CFAP54: variants seen among roughly 807,000 people sequenced by gnomAD.
CFAP54 encodes the protein cilia and flagella associated protein 54.
In CFAP54, 290 loss-of-function variants were observed where a neutral mutation model predicts 370.4. The ratio of observed to expected loss-of-function variants is 0.78; its 90% CI spans 0.71 to 0.86. The LOEUF (loss-of-function observed/expected upper bound fraction) is 0.86, where lower values mean the gene tolerates loss of function less well. Ranked by LOEUF, CFAP54 falls within the 40% of genes least tolerant of loss-of-function variation. The probability of loss-of-function intolerance (pLI) is 0.00; values close to 1 mark genes in which losing one functional copy is unlikely to be tolerated. For missense variants in CFAP54, 3,399 were observed against 3,528.7 expected (o/e 0.96, Z 0.93); for synonymous variants, 1,206 against 1,236.5 (o/e 0.98, Z 0.52).
intron 60 of CFAP54, among the ~76,000 whole-genome samples, chr12:96,776,592 A>C (rs1233290358): frequency 6.6e-6 from 1 of 152,216 alleles, no homozygotes; most frequent in Non-Finnish European, 1.5e-5. Context: ...ATGTAGTTAG[A>C]AAATGGAGGA....
intron 42 of CFAP54, among the ~76,000 whole-genome samples, chr12:96,687,696 A>AT (rs1565942789): frequency 6.6e-6 from 1 of 152,064 alleles, no homozygotes; most frequent in African/African-American, 2.4e-5. Context: ...GTCAAGTTTG[A>AT]TTTTTTTGTG....
intron 26 of CFAP54, 94 bp from the exon 27 acceptor site, chr12:96,621,496 C>G: frequency 2.2e-6 from 2 of 907,336 alleles, no homozygotes. Context: ...ACTGAAAACT[C>G]TATGGGGCTT....
Position 96,521,956 on chromosome 12 carries a change from G to A in CFAP54, c.1042G>A (p.Glu348Lys), listed in dbSNP as rs1190255307. 13 of 1,533,890 alleles carry A rather than the reference G, an allele frequency of 8.5e-6. No homozygotes were observed. Among genetic ancestry groups the A allele is most frequent in the Non-Finnish European group, 1.1e-5 (13 of 1,145,180 alleles). ...GGAAGAATCGCGAAGATATTTTCGA[G>A]AGGCCACAATGAAGGTATAAAAATT... is the stretch of plus-strand genomic sequence containing the variant. ...SQEESRRYFR[E>K]ATMKMAVMIF... The change falls in exon 7 of 68, where the codon GAG becomes AAG. Residue 348 changes from glutamate to lysine, a missense_variant. Physicochemically the swap from Glu to Lys is moderately conservative, Grantham distance 56. Coordinates refer to ENST00000524981, the MANE Select transcript of CFAP54 (RefSeq NM_001306084.2).
In CFAP54 at chr12:96,870,618, C is replaced by T. The variant is rs138156828; in HGVS notation, c.*15-4500C>T. Reference sequence around the variant, plus strand: ...TATTACATTCTTATATTATTACATACATCTTCGGGGGAAGTTCGTTTCTGT... The same window carrying T: ...TATTACATTCTTATATTATTACATATATCTTCGGGGGAAGTTCGTTTCTGT... On this transcript the variant is annotated intron_variant, in intron 67 of 67. Coordinates refer to ENST00000524981, the MANE Select transcript of CFAP54 (RefSeq NM_001306084.2). Among the ~76,000 whole-genome samples the T allele has an allele frequency of 3.0e-4, 45 of 152,318 alleles. No individual in the cohort carries two copies. The East Asian group carries it at 8.7e-3, about 29-fold the overall frequency.
At chr12:96,860,703 C>A in intron 66 of CFAP54, 116 bp from the exon 67 acceptor site, 2 of 1,078,140 alleles carry the variant, frequency 1.9e-6, no homozygotes, top group Non-Finnish European at 2.6e-6. Flanking sequence ...ACCTGAGACA[C>A]ACAAGTTAGC....
rs780517227 is a variant in CFAP54 at position 96,581,148 on chromosome 12, T to C, written c.3075+43T>C. 6.9e-6 allele frequency: 9 copies of C among 1,310,524 alleles called. No homozygotes were observed. In the East Asian group the frequency reaches 1.4e-4, roughly 20 times the overall value. 81.2% of individuals were successfully genotyped at this position (1,310,524 alleles called of 1,614,324 possible). On this transcript the variant is annotated intron_variant, in intron 22 of 67. Transcript: ENST00000524981. ...TAATTTTTTCCACTGTGTTTTTTTT[T>C]CCATTAAGCAGTTATGAAGTAATTT...
At chr12:96,495,322 T>C (rs1043253108) in intron 1 of CFAP54, among the ~76,000 whole-genome samples, 2 of 148,320 alleles carry the variant, frequency 1.3e-5, no homozygotes, top group African/African-American at 5.0e-5. Flanking sequence ...CCTTTTTCTT[T>C]TTTGAGACAG....
intron 42 of CFAP54, among the ~76,000 whole-genome samples, chr12:96,685,891 G>T (rs1188863003): frequency 1.3e-5 from 2 of 152,148 alleles, no homozygotes; most frequent in Non-Finnish European, 2.9e-5. Context: ...ATGAGCAGTT[G>T]GTGAGGAAGC....
intron 50 of CFAP54, among the ~76,000 whole-genome samples, chr12:96,727,166 GA>G (rs1481867241): frequency 6.6e-6 from 1 of 151,880 alleles, no homozygotes; most frequent in Non-Finnish European, 1.5e-5. Context: ...ATTTGGGGTG[GA>G]GAGTTCTGTA....
Position 96,538,365 on chromosome 12 carries a change from T to G in CFAP54, c.1792-19T>G. 6.6e-7 allele frequency: 1 copy of G among 1,523,566 alleles called. No individual in the cohort carries two copies. The highest frequency in any genetic ancestry group is 8.8e-7 in the Non-Finnish European group (1 of 1,136,656). 94.4% of individuals were successfully genotyped at this position (1,523,566 alleles called of 1,614,324 possible). A position where few individuals can be genotyped will look rare whatever the true frequency, so the allele number is the denominator to read the frequency against. Reference sequence around the variant, plus strand: ...ATTTTATTATTCCTACTCATTTACCTTCTCACTTTTGTTTTTAGGATGTTC... The same window carrying G: ...ATTTTATTATTCCTACTCATTTACCGTCTCACTTTTGTTTTTAGGATGTTC... On this transcript the variant is annotated intron_variant, in intron 12 of 67. Coordinates refer to ENST00000524981, the MANE Select transcript of CFAP54 (RefSeq NM_001306084.2).
chr12:96,821,534 T>C (rs1436580580), intron 65 of CFAP54, among the ~76,000 whole-genome samples: 4 of 152,146 alleles, frequency 2.6e-5, no homozygotes, highest in African/African-American at 7.2e-5. Context: ...ATTTTAGATA[T>C]TTTCTGGCTC....
At chr12:96,788,674 T>TAAAAA (rs574627472) in intron 62 of CFAP54, among the ~76,000 whole-genome samples, 2 of 151,742 alleles carry the variant, frequency 1.3e-5, no homozygotes, top group Admixed American at 6.6e-5. Flanking sequence ...TTTTTTTTTT[T>TAAAAA]AAAAATCACT....
chr12:96,751,577 G>A (rs538230174), intron 55 of CFAP54, among the ~76,000 whole-genome samples: 3 of 151,958 alleles, frequency 2.0e-5, no homozygotes, highest in East Asian at 3.9e-4. Context: ...ATTGATATTT[G>A]GTATAATATG....
intron 60 of CFAP54, among the ~76,000 whole-genome samples, chr12:96,777,938 G>A (rs1469085617): frequency 3.3e-5 from 5 of 152,124 alleles, no homozygotes; most frequent in African/African-American, 4.8e-5. Context: ...ACAAATATAA[G>A]CAAAACTGCA....
At chr12:96,861,594 A>G (rs1592818462) in intron 67 of CFAP54, among the ~76,000 whole-genome samples, 1 of 152,324 alleles carries the variant, frequency 6.6e-6, no homozygotes, top group Non-Finnish European at 1.5e-5. Flanking sequence ...CAGCTTTAGA[A>G]TTGTATAGAC....
chr12:96,802,221 G>A (rs919185011), intron 63 of CFAP54, among the ~76,000 whole-genome samples: 2 of 152,030 alleles, frequency 1.3e-5, no homozygotes, highest in East Asian at 1.9e-4. Context: ...CGGTGAGATC[G>A]AGACTCAAGC....
intron 1 of CFAP54, 76 bp downstream of exon 1, chr12:96,490,002 G>A: frequency 7.3e-7 from 1 of 1,363,658 alleles, no homozygotes; most frequent in Non-Finnish European, 9.8e-7. Flanking sequence ...GATGCAGGTG[G>A]TGGCCCCAGA....
In CFAP54 at chr12:96,494,861, G is replaced by A. The variant is rs573722667; in HGVS notation, c.317+4935G>A. On this transcript the variant is annotated intron_variant, in intron 1 of 67. Transcript: ENST00000524981. ...CCTGCCTTAGCCTCCCAAGTAGCTGGGACTACAGGCGCAACCTACCACGCC... is the reference window on the plus strand; with the variant it reads ...CCTGCCTTAGCCTCCCAAGTAGCTGAGACTACAGGCGCAACCTACCACGCC... Among the ~76,000 whole-genome samples, 13 of 151,940 alleles carry A rather than the reference G, an allele frequency of 8.6e-5. No homozygotes were observed. In the East Asian group the frequency reaches 2.5e-3, roughly 30 times the overall value.
intron 4 of CFAP54, among the ~76,000 whole-genome samples, chr12:96,507,526 C>T (rs910904197): frequency 1.3e-4 from 9 of 68,344 alleles, no homozygotes; most frequent in Admixed American, 3.6e-4. Context: ...GGAACACACA[C>T]ACACACATAC....
Sources: allele counts gnomAD v4.1 joint callset (sites outside exome capture counted in the v4.1 genomes callset), GRCh38; gene constraint gnomAD v4.1.1; transcripts MANE v1.5; gene names NCBI Gene and HGNC (gene_info 2026-07-23, HGNC 2026-07-21).